CEACAM4: variants seen among roughly 807,000 people sequenced by gnomAD.
CEACAM4 encodes the protein CEA cell adhesion molecule 4, also known as cell adhesion molecule CEACAM4.
A neutral mutation model predicts 28.7 loss-of-function variants in CEACAM4; 30 were observed. That is an observed-to-expected ratio of 1.05 (90% CI 0.78 to 1.42). The LOEUF (loss-of-function observed/expected upper bound fraction) is 1.42. Among genes scored for constraint, CEACAM4 ranks in the 40% most tolerant of loss-of-function variants. The pLI is 0.00. For synonymous variants in CEACAM4, 143 were observed against 126.5 expected (o/e 1.13, Z -0.87); for missense variants, 330 against 308.2 (o/e 1.07, Z -0.53).
Position 41,625,794 on chromosome 19 carries a change from A to G in CEACAM4, c.231T>C (p.Pro77=), listed in dbSNP as rs782435267. Reference sequence around the variant, plus strand: ...TGTCTGTTATATAACCAGCAATGAGAGGGCTCCCTTCTGCCGTTTTCCCCT... The same window carrying G: ...TGTCTGTTATATAACCAGCAATGAGGGGGCTCCCTTCTGCCGTTTTCCCCT... ...WHKGKTAEGS[P]LIAGYITDIQ... The change falls in exon 2 of 7, where the codon CCT becomes CCC. Residue 77 remains proline, a synonymous_variant. Transcript: ENST00000221954. 3 of 1,613,892 alleles carry G rather than the reference A, an allele frequency of 1.9e-6. No homozygotes were observed. In the Admixed American group the frequency reaches 5.0e-5, roughly 27 times the overall value.
At chr19:41,620,022 G>T (rs1454170180) in intron 5 of CEACAM4, among the ~76,000 whole-genome samples, 189 bp downstream of exon 5, 1 of 152,150 alleles carries the variant, frequency 6.6e-6, no homozygotes, top group African/African-American at 2.4e-5. Flanking sequence ...CCGGGGAGGG[G>T]TCAGCACATG....
At chr19:41,624,912 G>A (rs1236260390) in intron 2 of CEACAM4, among the ~76,000 whole-genome samples, 1 of 152,144 alleles carries the variant, frequency 6.6e-6, no homozygotes, top group Non-Finnish European at 1.5e-5. Context: ...CATGATCCCC[G>A]GTGGACAAGA....
rs200632223 is a variant in CEACAM4 at position 41,619,293 on chromosome 19, C to T, written c.*37G>A. ...TCCCCAGGGCTGGGAGCTTCGGGGA[C>T]GCTCCATCAACCCACAAGAGCAGCT... is the stretch of plus-strand genomic sequence containing the variant. On this transcript the variant is annotated 3_prime_UTR_variant, in exon 7 of 7. Coordinates refer to ENST00000221954, the MANE Select transcript of CEACAM4 (RefSeq NM_001817.4). 171 of 1,563,414 alleles carry T rather than the reference C, an allele frequency of 1.1e-4. No homozygotes were observed. Among genetic ancestry groups the T allele is most frequent in the Middle Eastern group, 3.5e-4 (2 of 5,678 alleles).
intron 2 of CEACAM4, 122 bp downstream of exon 2, chr19:41,625,479 G>T: frequency 8.3e-7 from 1 of 1,200,338 alleles, no homozygotes; most frequent in Non-Finnish European, 1.2e-6. Flanking sequence ...TGCACTAAAT[G>T]CCCAAATCTC....
intron 2 of CEACAM4, 105 bp from the exon 3 acceptor site, chr19:41,621,873 C>T: frequency 1.4e-6 from 1 of 712,866 alleles, no homozygotes; most frequent in South Asian, 1.7e-5. Flanking sequence ...AGGAAATGCT[C>T]CAGAGCCTGA....
In CEACAM4 at chr19:41,621,753, C is replaced by T. The variant is rs557614281; in HGVS notation, c.440G>A (p.Gly147Asp). 1.6e-5 allele frequency: 25 copies of T among 1,608,570 alleles called. 1 individual carries two copies. In the South Asian group the frequency reaches 2.2e-4, roughly 14 times the overall value. ...QLHVHQNNVP[G>D]LPVGAVAGIV... is the part of the protein sequence containing the mutation. ...GCCAGCGACGGCCCCCACAGGAAGG[C>T]CTGGGACGTTGTTTTCTGCAGAAAG... is the stretch of plus-strand genomic sequence containing the variant. Residue 147 changes from glycine to aspartate, a missense_variant, in exon 3 of 7, where the codon GGC (glycine) becomes GAC (aspartate). Gly to Asp is a moderately conservative substitution (Grantham distance 94, BLOSUM62 -1). Coordinates refer to ENST00000221954, the MANE Select transcript of CEACAM4 (RefSeq NM_001817.4).
rs1555800073 is a variant in CEACAM4 at position 41,619,365 on chromosome 19, A to T, written c.700T>A (p.Cys234Ser). Residue 234 changes from cysteine to serine, a missense_variant, in exon 7 of 7, where the codon TGC becomes AGC. Cys to Ser is a moderately radical substitution (Grantham distance 112, BLOSUM62 -1). Transcript: ENST00000221954. ...ACATCTGCTTTGTGGTCGATCTGGCAGTAAATGTTTGCATCAGAGTATAGC... is the reference window on the plus strand; with the variant it reads ...ACATCTGCTTTGTGGTCGATCTGGCTGTAAATGTTTGCATCAGAGTATAGC... ...ELLYSDANIY[C>S]QIDHKADVVS 11 of 1,614,120 alleles carry T rather than the reference A, an allele frequency of 6.8e-6. No individual in the cohort carries two copies. Among genetic ancestry groups the T allele is most frequent in the Non-Finnish European group, 9.3e-6 (11 of 1,179,974 alleles).
chr19:41,618,931 T>A, downstream of CEACAM4: 1 of 198,336 alleles, frequency 5.0e-6, no homozygotes, highest in Non-Finnish European at 1.0e-5. Context: ...GGTGGAGATA[T>A]TTTCCCTGTG....
downstream of CEACAM4, among the ~76,000 whole-genome samples, chr19:41,615,701 G>T (rs2070975392): frequency 6.6e-6 from 1 of 151,958 alleles, no homozygotes; most frequent in Non-Finnish European, 1.5e-5. Flanking sequence ...TTGAGTGTGA[G>T]GACAGGACAG....
chr19:41,615,471 GGTGAGA>G (rs1555798719), downstream of CEACAM4, among the ~76,000 whole-genome samples: 1 of 151,984 alleles, frequency 6.6e-6, no homozygotes, highest in Non-Finnish European at 1.5e-5. Flanking sequence ...AGGATGTCAG[GGTGAGA>G]GTCACTGTCA....
At chr19:41,624,778 G>T (rs565147219) in intron 2 of CEACAM4, among the ~76,000 whole-genome samples, 1 of 152,306 alleles carries the variant, frequency 6.6e-6, no homozygotes, top group South Asian at 2.1e-4. Flanking sequence ...ATGGTCTGAG[G>T]CTTGCCACTT....
At chr19:41,623,017 T>TTTTG (rs149447059) in intron 2 of CEACAM4, among the ~76,000 whole-genome samples, 2 of 152,144 alleles carry the variant, frequency 1.3e-5, no homozygotes, top group African/African-American at 2.4e-5. Flanking sequence ...CAGTATTGTT[T>TTTTG]TTTGTTTGTT....
chr19:41,625,956 T>A lies in CEACAM4; in HGVS notation c.69A>T (p.Ser23=). The change falls in exon 2 of 7, where the codon TCA becomes TCT. Residue 23 remains serine (S), a synonymous_variant. Coordinates refer to ENST00000221954, the MANE Select transcript of CEACAM4 (RefSeq NM_001817.4). ...TGGGCGGGTGCCAGAAGGTTAAAAG[T>A]GAGGCTAGGAGGTGAAGACAGCATC... The part of the protein sequence containing the change: ...RPWQGLLITA[S]LLTFWHPPTT... 1 of 1,607,692 alleles carries A rather than the reference T, an allele frequency of 6.2e-7. No individual in the cohort carries two copies. Among genetic ancestry groups the A allele is most frequent in the Non-Finnish European group, 8.5e-7 (1 of 1,176,430 alleles).
At chr19:41,624,174 T>C (rs1439639066) in intron 2 of CEACAM4, among the ~76,000 whole-genome samples, 1 of 152,026 alleles carries the variant, frequency 6.6e-6, no homozygotes, top group Non-Finnish European at 1.5e-5. Flanking sequence ...AGAGTGTGTG[T>C]CTCACGTTGG....
At chr19:41,619,424 C>T in intron 6 of CEACAM4, 29 bp from the exon 7 acceptor site, 1 of 1,610,992 alleles carries the variant, frequency 6.2e-7, no homozygotes, top group South Asian at 1.1e-5. Context: ...GGCCTCAACC[C>T]CTGTAGCCTT....
At chr19:41,616,766 G>A (rs1284455538), downstream of CEACAM4, among the ~76,000 whole-genome samples, 1 of 152,076 alleles carries the variant, frequency 6.6e-6, no homozygotes, top group Non-Finnish European at 1.5e-5. Context: ...CTGAGTGATG[G>A]ATGTGCTTCA....
At chr19:41,615,018 A>G (rs73043201), downstream of CEACAM4, among the ~76,000 whole-genome samples, 2,549 of 152,126 alleles carry the variant, frequency 0.017, 25 homozygotes, top group Middle Eastern at 0.031. Context: ...AGGCAACATC[A>G]CAAAGGTTGG....
chr19:41,623,658 T>G (rs1321761042), intron 2 of CEACAM4, among the ~76,000 whole-genome samples: 1 of 151,952 alleles, frequency 6.6e-6, no homozygotes, highest in African/African-American at 2.4e-5. Context: ...TAGAGGGGGC[T>G]GGAGTTGGAT....
At position 41,625,855 on chromosome 19, in the gene CEACAM4, T is replaced by C. The variant is rs782793607; in HGVS notation, c.170A>G (p.Asn57Ser). The change falls in exon 2 of 7, where the codon AAT becomes AGT. Residue 57 changes from asparagine to serine, a missense_variant. Transcript: ENST00000221954. Reference sequence around the variant, plus strand: ...ATAGGCTTGAATAGTTTCTGAAATATTGCAGGCCAGTAGAAGAACATCCTT... The same window carrying C: ...ATAGGCTTGAATAGTTTCTGAAATACTGCAGGCCAGTAGAAGAACATCCTT... Reference protein sequence around the residue: ...EGKDVLLLACNISETIQAYYW... With the variant: ...EGKDVLLLACSISETIQAYYW... 1.9e-6 allele frequency: 3 copies of C among 1,613,948 alleles called. No homozygotes were observed. The highest frequency in any genetic ancestry group is 1.1e-5 in the South Asian group (1 of 91,078).
Sources: gnomAD v4.1 joint callset for allele counts (sites outside exome capture counted in the v4.1 genomes callset) on GRCh38, gnomAD v4.1.1 for gene constraint, MANE v1.5 for transcripts, NCBI Gene and HGNC (gene_info 2026-07-23, HGNC 2026-07-21) for gene names.